TTC27: variants seen among roughly 807,000 people sequenced by gnomAD.
TTC27 encodes the protein tetratricopeptide repeat protein 27.
TTC27 carries 79 observed loss-of-function variants against 115.9 expected under a neutral mutation model. The observed-to-expected ratio is 0.68, with a 90% confidence interval of 0.57 to 0.82. The LOEUF (loss-of-function observed/expected upper bound fraction) is 0.82, where lower values mean the gene tolerates loss of function less well. Among genes scored for constraint, TTC27 ranks in the 40% least tolerant of loss-of-function variants. TTC27 has a pLI of 0.00. For missense variants in TTC27, 1,054 were observed against 993.1 expected (o/e 1.06, Z -0.82); for synonymous variants, 401 against 356.0 (o/e 1.13, Z -1.42).
intron 16 of TTC27, among the ~76,000 whole-genome samples, chr2:32,794,429 T>C (rs1670633993): frequency 6.6e-6 from 1 of 152,114 alleles, no homozygotes; most frequent in Non-Finnish European, 1.5e-5. Flanking sequence ...ATACCAAAAC[T>C]TGTAGGACAC....
chr2:32,793,896 T>C (rs1046483782), intron 16 of TTC27, among the ~76,000 whole-genome samples: 1 of 152,194 alleles, frequency 6.6e-6, no homozygotes, highest in African/African-American at 2.4e-5. Context: ...AAAAAAACAG[T>C]TATTAGTCTA....
intron 10 of TTC27, among the ~76,000 whole-genome samples, chr2:32,710,786 A>G (rs1317903960): frequency 6.6e-6 from 1 of 152,062 alleles, no homozygotes; most frequent in East Asian, 1.9e-4. Context: ...TTTAGATATC[A>G]AATAACAAGA....
intron 7 of TTC27, 128 bp from the exon 8 acceptor site, chr2:32,672,144 A>G: frequency 1.6e-6 from 1 of 608,094 alleles, no homozygotes; most frequent in East Asian, 2.8e-5. Context: ...TTCACAAGAA[A>G]TAGCCTATTG....
intron 9 of TTC27, among the ~76,000 whole-genome samples, chr2:32,689,285 A>C (rs1198329281): frequency 6.6e-6 from 1 of 152,140 alleles, no homozygotes; most frequent in African/African-American, 2.4e-5. Flanking sequence ...ACAGGTCACA[A>C]TACTGAATAT....
chr2:32,807,596 T>C (rs1238864652), intron 16 of TTC27, among the ~76,000 whole-genome samples: 2 of 152,218 alleles, frequency 1.3e-5, no homozygotes, highest in Non-Finnish European at 2.9e-5. Context: ...GCAAAGGATA[T>C]TGAAAATTAG....
At chr2:32,774,392 C>T (rs1572601225) in intron 13 of TTC27, among the ~76,000 whole-genome samples, 1 of 152,174 alleles carries the variant, frequency 6.6e-6, no homozygotes, top group East Asian at 1.9e-4. Context: ...CCAGGCTGGT[C>T]TTGAACTCCT....
chr2:32,675,446 T>G (rs1369482502), intron 8 of TTC27, among the ~76,000 whole-genome samples: 7 of 152,166 alleles, frequency 4.6e-5, no homozygotes, highest in African/African-American at 1.7e-4. Context: ...TGGATACTTG[T>G]TTTTCCCAAA....
At chr2:32,797,640 G>A (rs1670754981) in intron 16 of TTC27, among the ~76,000 whole-genome samples, 1 of 152,076 alleles carries the variant, frequency 6.6e-6, no homozygotes, top group Non-Finnish European at 1.5e-5. Context: ...AAATTTAATA[G>A]CTACAACTGT....
At chr2:32,732,255 T>G (rs1226615820) in intron 10 of TTC27, among the ~76,000 whole-genome samples, 1 of 152,214 alleles carries the variant, frequency 6.6e-6, no homozygotes, top group Non-Finnish European at 1.5e-5. Flanking sequence ...GCTATTAAGT[T>G]TCTATGAAGT....
Position 32,736,813 on chromosome 2 carries a change from A to C in TTC27, c.1449A>C (p.Gly483=), listed in dbSNP as rs200808703. 4 of 1,613,514 alleles carry C rather than the reference A, an allele frequency of 2.5e-6. No homozygotes were observed. In the South Asian group the frequency reaches 4.4e-5, roughly 18 times the overall value. The change falls in exon 12 of 20, where the codon GGA becomes GGC. Residue 483 remains glycine, a synonymous_variant. Transcript: ENST00000317907. ...GTTATGAAAGAGCCGGGCAGCACGG[A>C]AAGGTATGTAATAGTCCAATTTGAT... ...VICYERAGQH[G]KAEEILRQEL...
intron 8 of TTC27, among the ~76,000 whole-genome samples, chr2:32,674,571 C>T (rs1439993537): frequency 2.6e-5 from 4 of 152,080 alleles, no homozygotes; most frequent in African/African-American, 9.7e-5. Context: ...TTCTACAGTT[C>T]CTTTTTATTT....
At chr2:32,798,598 G>T (rs1230054127) in intron 16 of TTC27, among the ~76,000 whole-genome samples, 3 of 150,560 alleles carry the variant, frequency 2.0e-5, no homozygotes. Flanking sequence ...CTAGCTACTC[G>T]GGAGGCTGAG....
intron 12 of TTC27, among the ~76,000 whole-genome samples, chr2:32,745,093 C>T (rs566574061): frequency 6.8e-6 from 1 of 146,364 alleles, no homozygotes; most frequent in African/African-American, 2.5e-5. Context: ...CACATATATC[C>T]TCACAGATCT....
At chr2:32,761,556 A>G (rs960780221) in intron 13 of TTC27, among the ~76,000 whole-genome samples, 1 of 150,638 alleles carries the variant, frequency 6.6e-6, no homozygotes, top group African/African-American at 2.4e-5. Context: ...CCCTTTTCTC[A>G]CCCCACATTG....
At chr2:32,724,108 ATTAAGACACTAATGTC>A (rs1668032690) in intron 10 of TTC27, among the ~76,000 whole-genome samples, 1 of 151,572 alleles carries the variant, frequency 6.6e-6, no homozygotes, top group Non-Finnish European at 1.5e-5. Flanking sequence ...TTGTGCTTTC[ATTAAGACACTAATGTC>A]TTAAGACACT....
intron 13 of TTC27, among the ~76,000 whole-genome samples, chr2:32,764,563 G>A (rs942383023): frequency 7.2e-5 from 11 of 152,180 alleles, no homozygotes; most frequent in African/African-American, 2.2e-4. Flanking sequence ...GTTACTAAAG[G>A]CTGGAGTAGC....
intron 10 of TTC27, among the ~76,000 whole-genome samples, chr2:32,730,580 G>T (rs1353886035): frequency 6.6e-6 from 1 of 150,756 alleles, no homozygotes; most frequent in Admixed American, 6.6e-5. Flanking sequence ...ATCCAGTAGA[G>T]GAAGTAGGCA....
At chr2:32,690,631 G>C (rs2151894712) in intron 9 of TTC27, among the ~76,000 whole-genome samples, 1 of 152,328 alleles carries the variant, frequency 6.6e-6, no homozygotes, top group East Asian at 1.9e-4. Flanking sequence ...GGAGACGGGA[G>C]AATGTAAGTT....
intron 12 of TTC27, among the ~76,000 whole-genome samples, chr2:32,747,584 G>A (rs971702065): frequency 6.6e-5 from 10 of 152,176 alleles, no homozygotes; most frequent in African/African-American, 2.2e-4. Context: ...TTAAAAAATT[G>A]TATGTCAGAC....
Sources: gnomAD v4.1 joint callset for allele counts (sites outside exome capture counted in the v4.1 genomes callset) on GRCh38, gnomAD v4.1.1 for gene constraint, MANE v1.5 for transcripts, NCBI Gene and HGNC (gene_info 2026-07-23, HGNC 2026-07-21) for gene names.